PDS5B: variants seen among roughly 807,000 people sequenced by gnomAD.
The protein encoded by PDS5B is sister chromatid cohesion protein PDS5 homolog B.
PDS5B carries 51 observed loss-of-function variants against 184.1 expected under a neutral mutation model. The ratio of observed to expected loss-of-function variants is 0.28; its 90% CI spans 0.22 to 0.35. The LOEUF is 0.35. PDS5B is among the 10% of genes least tolerant of loss of function. PDS5B has a pLI of 1.00. For synonymous variants in PDS5B, 566 were observed against 569.2 expected (o/e 0.99, Z 0.08); for missense variants, 1,180 against 1,723.3 (o/e 0.68, Z 5.58).
intron 1 of PDS5B, among the ~76,000 whole-genome samples, chr13:32,598,875 A>G (rs1479170195): frequency 6.8e-6 from 1 of 147,094 alleles, no homozygotes; most frequent in Non-Finnish European, 1.5e-5. Flanking sequence ...GGTTCACGCC[A>G]TTCTCCTGCC....
chr13:32,770,591 T>G (rs545981509), intron 32 of PDS5B, 31 bp downstream of exon 32: 5 of 1,600,956 alleles, frequency 3.1e-6, no homozygotes, highest in African/African-American at 1.3e-5. Flanking sequence ...ACTGCATCTG[T>G]TTCGTTACTA....
At chr13:32,621,468 A>G (rs2058300675) in intron 1 of PDS5B, among the ~76,000 whole-genome samples, 1 of 152,154 alleles carries the variant, frequency 6.6e-6, no homozygotes, top group African/African-American at 2.4e-5. Context: ...CCCTGTCTCA[A>G]AAAAAAGAGG....
chr13:32,648,090 C>G (rs891679177), intron 1 of PDS5B, among the ~76,000 whole-genome samples: 2 of 152,174 alleles, frequency 1.3e-5, no homozygotes, highest in Non-Finnish European at 2.9e-5. Flanking sequence ...TCCCTGTATT[C>G]ATGTTGCCTT....
intron 19 of PDS5B, among the ~76,000 whole-genome samples, chr13:32,731,123 G>T (rs1360582634): frequency 1.3e-5 from 2 of 151,596 alleles, no homozygotes; most frequent in African/African-American, 4.9e-5. Context: ...TGTTTTTGTT[G>T]GTCTCTTCAT....
At position 32,773,286 on chromosome 13, in the gene PDS5B, C is replaced by T; in HGVS notation, c.4270C>T (p.Gln1424Ter). ...QGSSPVDDIP[Q>*]EETEEEEVST... is the part of the protein sequence containing the mutation. ...TAGCTCTCCTGTCGATGATATTCCACAGGAAGAAACAGAGGAGGAGGAAGT... is the reference window on the plus strand; with the variant it reads ...TAGCTCTCCTGTCGATGATATTCCATAGGAAGAAACAGAGGAGGAGGAAGT... The change falls in exon 34 of 35, where the codon CAG becomes TAG. Residue 1424 changes from glutamine (Q) to a stop codon, truncating the protein, a stop_gained. Transcript: ENST00000315596. LOFTEE classifies it high-confidence loss of function. 6.2e-7 allele frequency: 1 copy of T among 1,612,934 alleles called. No homozygotes were observed. The highest frequency in any genetic ancestry group is 8.5e-7 in the Non-Finnish European group (1 of 1,179,434).
chr13:32,689,692 C>G (rs1951492707), intron 13 of PDS5B: 1 of 152,124 alleles, frequency 6.6e-6, no homozygotes, highest in Non-Finnish European at 1.5e-5. Context: ...GGTTCCAAAG[C>G]TTGTTCTTTT....
intron 24 of PDS5B, among the ~76,000 whole-genome samples, chr13:32,748,789 T>A (rs1953857716): frequency 6.6e-6 from 1 of 152,162 alleles, no homozygotes; most frequent in Non-Finnish European, 1.5e-5. Flanking sequence ...GTTAAATAAA[T>A]CTGAATGGCA....
chr13:32,744,872 T>C (rs1043906590), intron 23 of PDS5B, among the ~76,000 whole-genome samples: 4 of 152,182 alleles, frequency 2.6e-5, no homozygotes, highest in African/African-American at 9.6e-5. Flanking sequence ...TTATTTTAAA[T>C]ACCCCGCAGT....
intron 20 of PDS5B, among the ~76,000 whole-genome samples, chr13:32,734,839 T>C (rs1229367673): frequency 6.6e-6 from 1 of 152,228 alleles, no homozygotes; most frequent in Non-Finnish European, 1.5e-5. Context: ...TGGTGAGCCC[T>C]AGCAGTCTCT....
At chr13:32,667,173 G>C (rs149076591) in intron 6 of PDS5B, among the ~76,000 whole-genome samples, 38 of 152,120 alleles carry the variant, frequency 2.5e-4, no homozygotes, top group African/African-American at 8.9e-4. Flanking sequence ...TTACTTCCTT[G>C]TATCATTATC....
intron 8 of PDS5B, 50 bp downstream of exon 8, chr13:32,673,406 G>C (rs376912664): frequency 2.7e-6 from 4 of 1,483,130 alleles, no homozygotes; most frequent in Non-Finnish European, 3.7e-6. Context: ...TTAGCAAAGA[G>C]CATTATTTAT....
At chr13:32,670,390 C>G (rs953145139) in intron 7 of PDS5B, among the ~76,000 whole-genome samples, 7 of 151,898 alleles carry the variant, frequency 4.6e-5, no homozygotes, top group African/African-American at 1.7e-4. Flanking sequence ...TGAATTTTTC[C>G]TTTTTTAAAA....
intron 1 of PDS5B, among the ~76,000 whole-genome samples, chr13:32,610,694 A>T (rs1314103539): frequency 6.6e-6 from 1 of 151,990 alleles, no homozygotes; most frequent in Non-Finnish European, 1.5e-5. Flanking sequence ...GGACTCTGGA[A>T]CTTCACTGTG....
intron 1 of PDS5B, among the ~76,000 whole-genome samples, chr13:32,587,327 G>A (rs1487613497): frequency 6.6e-6 from 1 of 152,150 alleles, no homozygotes; most frequent in East Asian, 1.9e-4. Context: ...TTGAGGAAGA[G>A]CCCAGCACTG....
chr13:32,714,056 A>G (rs1593489031), intron 19 of PDS5B, among the ~76,000 whole-genome samples: 1 of 152,330 alleles, frequency 6.6e-6, no homozygotes, highest in East Asian at 1.9e-4. Context: ...CACAAGCCAC[A>G]AAAACCAGCA....
chr13:32,753,492 T>C lies in PDS5B; in HGVS notation c.2897T>C (p.Ile966Thr). 2 of 1,613,836 alleles carry C rather than the reference T, an allele frequency of 1.2e-6. No individual in the cohort carries two copies. Among genetic ancestry groups the C allele is most frequent in the Non-Finnish European group, 1.7e-6 (2 of 1,179,776 alleles). ...GCTAGGCAATGTTTGGTGAAAAATA[T>C]AAATGTAAGGCGGGAGTATCTGAAG... ...AHARQCLVKN[I>T]NVRREYLKQH... The change falls in exon 25 of 35, where the codon ATA becomes ACA. Residue 966 changes from isoleucine (I) to threonine (T), a missense_variant. Transcript: ENST00000315596.
intron 1 of PDS5B, among the ~76,000 whole-genome samples, chr13:32,644,862 C>T (rs1341170879): frequency 3.3e-5 from 5 of 152,024 alleles, no homozygotes; most frequent in African/African-American, 1.2e-4. Context: ...TCTTTTTAAG[C>T]CTGTTGATGT....
At position 32,663,694 on chromosome 13, in the gene PDS5B, TA is replaced by T. The variant is rs72130680; in HGVS notation, c.625-4062del. On this transcript the variant is annotated intron_variant, in intron 6 of 34. Coordinates refer to ENST00000315596, the MANE Select transcript of PDS5B (RefSeq NM_015032.4). ...TTCAGGCAAAAAGGCAAACATGCTT[TA>T]AAAAAAATTTGTATTTATTTATATA... Among the ~76,000 whole-genome samples, 1,019 of 152,182 alleles carry T rather than the reference TA, an allele frequency of 6.7e-3. 10 individuals carry two copies. The highest frequency in any genetic ancestry group is 0.023 in the African/African-American group (950 of 41,490).
intron 19 of PDS5B, among the ~76,000 whole-genome samples, chr13:32,720,958 G>A (rs2140923704): frequency 6.6e-6 from 1 of 152,188 alleles, no homozygotes; most frequent in South Asian, 2.1e-4. Context: ...ACGGGGTTGG[G>A]GGTAAGGTTA....
Sources: allele counts gnomAD v4.1 joint callset (sites outside exome capture counted in the v4.1 genomes callset), GRCh38; gene constraint gnomAD v4.1.1; transcripts MANE v1.5; gene names NCBI Gene and HGNC (gene_info 2026-07-23, HGNC 2026-07-21).